The following FOCAD variants were observed in gnomAD, a reference collection of about 807,000 sequenced individuals.
The protein encoded by FOCAD is focadhesin, also known as KIAA1797.
A neutral mutation model predicts 225.6 loss-of-function variants in FOCAD; 198 were observed. That is an observed-to-expected ratio of 0.88 (90% CI 0.78 to 0.99). The LOEUF (loss-of-function observed/expected upper bound fraction) is 0.99, where lower values mean the gene tolerates loss of function less well. FOCAD is among the 50% of genes least tolerant of loss of function. FOCAD has a pLI of 0.00. For missense variants in FOCAD, 2,713 were observed against 2,123.6 expected (o/e 1.28, Z -5.46); for synonymous variants, 897 against 755.0 (o/e 1.19, Z -3.08).
intron 15 of FOCAD, among the ~76,000 whole-genome samples, chr9:20,847,696 A>G (rs935289460): frequency 1.3e-5 from 2 of 152,074 alleles, no homozygotes; most frequent in African/African-American, 2.4e-5. Flanking sequence ...TTTTGGCTTT[A>G]TATTGTAAAA....
intron 43 of FOCAD, among the ~76,000 whole-genome samples, 167 bp from the exon 44 acceptor site, chr9:20,995,389 C>T (rs569011771): frequency 6.6e-6 from 1 of 151,836 alleles, no homozygotes; most frequent in African/African-American, 2.4e-5. Flanking sequence ...AACTTTCCCC[C>T]CAACATTTAT....
In FOCAD at chr9:20,916,943, A is replaced by G. The variant is rs776416210; in HGVS notation, c.2852+6A>G. ...ATCACCAAGGCAGCTGCAAAGTAAG[A>G]TCCATTTAGTCTTTTATCAAACATT... is the stretch of plus-strand genomic sequence containing the variant. On this transcript the variant is annotated splice_donor_region_variant and intron_variant, in intron 24 of 43. Transcript: ENST00000338382. 1.3e-6 allele frequency: 2 copies of G among 1,599,668 alleles called. No individual in the cohort carries two copies. The highest frequency in any genetic ancestry group is 2.3e-5 in the South Asian group (2 of 87,428).
intron 11 of FOCAD, among the ~76,000 whole-genome samples, chr9:20,795,411 G>C (rs1820949142): frequency 6.6e-6 from 1 of 152,088 alleles, no homozygotes; most frequent in African/African-American, 2.4e-5. Context: ...AAATTCACTT[G>C]TGTACTGTTT....
intron 21 of FOCAD, among the ~76,000 whole-genome samples, chr9:20,896,293 C>T (rs1296316969): frequency 1.3e-5 from 2 of 151,836 alleles, no homozygotes; most frequent in East Asian, 3.9e-4. Flanking sequence ...CATTTATGTT[C>T]ATGAAAGATA....
chr9:20,883,107 T>C (rs894610975), intron 20 of FOCAD, among the ~76,000 whole-genome samples: 3 of 152,202 alleles, frequency 2.0e-5, no homozygotes, highest in African/African-American at 7.2e-5. Flanking sequence ...CATTTAGTAC[T>C]TCTGTGGTTC....
At chr9:20,874,014 A>C (rs1294484753) in intron 18 of FOCAD, 1 of 152,216 alleles carries the variant, frequency 6.6e-6, no homozygotes, top group African/African-American at 2.4e-5. Flanking sequence ...AACAATGTGG[A>C]AATCTTTTTA....
intron 41 of FOCAD, 118 bp from the exon 42 acceptor site, chr9:20,990,005 G>A: frequency 8.6e-7 from 1 of 1,162,114 alleles, no homozygotes. Flanking sequence ...GGGCAGGAGG[G>A]ACTGGTTGGG....
At position 20,778,784 on chromosome 9, in the gene FOCAD, G is replaced by GT; in HGVS notation, c.994+17dup. 10 of 1,432,836 alleles carry GT rather than the reference G, an allele frequency of 7.0e-6. No homozygotes were observed. The highest frequency in any genetic ancestry group is 9.8e-6 in the Non-Finnish European group (10 of 1,017,808). The allele number at this position is 1,432,836 out of a possible 1,614,324, so 88.8% of individuals were successfully genotyped here. A position where few individuals can be genotyped will look rare whatever the true frequency, so the allele number is the denominator to read the frequency against. The stretch of plus-strand genomic sequence containing the variant: ...TTAAATCTAGGTAAATAAAAATACA[G>GT]TCACTAGAGTAAAATGTAAATATAA... On this transcript the variant is annotated intron_variant, in intron 9 of 43. Coordinates refer to ENST00000338382, the MANE Select transcript of FOCAD (RefSeq NM_001375567.1).
chr9:20,818,722 A>T (rs149073592), intron 11 of FOCAD, among the ~76,000 whole-genome samples: 1 of 151,902 alleles, frequency 6.6e-6, no homozygotes, highest in East Asian at 1.9e-4. Flanking sequence ...TATTTCATTG[A>T]TTTGTCTTTC....
intron 5 of FOCAD, among the ~76,000 whole-genome samples, chr9:20,748,423 G>T (rs933646666): frequency 1.3e-5 from 2 of 151,824 alleles, no homozygotes; most frequent in African/African-American, 4.8e-5. Flanking sequence ...TGGGAGGGTG[G>T]TCAGGACCTT....
rs1458343751 is a variant in FOCAD, at chr9:20,764,793, A to T, written c.495-76A>T. 4.7e-6 allele frequency: 5 copies of T among 1,070,584 alleles called. No individual in the cohort carries two copies. In the East Asian group the frequency reaches 1.2e-4, roughly 25 times the overall value. 66.3% of individuals were successfully genotyped at this position (1,070,584 alleles called of 1,614,324 possible). A position where few individuals can be genotyped will look rare whatever the true frequency, so the allele number is the denominator to read the frequency against. ...TAGATTATGTTATGTCATGAACTATAAGTTGATATTTGCCACTTACCTGCT... is the reference window on the plus strand; with the variant it reads ...TAGATTATGTTATGTCATGAACTATTAGTTGATATTTGCCACTTACCTGCT... On this transcript the variant is annotated intron_variant, in intron 6 of 43. Coordinates refer to ENST00000338382, the MANE Select transcript of FOCAD (RefSeq NM_001375567.1).
chr9:20,866,392 G>A (rs1411202105), intron 17 of FOCAD, among the ~76,000 whole-genome samples: 2 of 151,952 alleles, frequency 1.3e-5, no homozygotes, highest in African/African-American at 2.4e-5. Context: ...ACTCATGGAT[G>A]AATGAGCTTA....
chr9:20,735,719 C>T (rs1827102351), intron 4 of FOCAD, among the ~76,000 whole-genome samples: 1 of 147,196 alleles, frequency 6.8e-6, no homozygotes, highest in Non-Finnish European at 1.5e-5. Context: ...AACGGGATCT[C>T]TCTATATTGC....
chr9:20,748,472 A>G (rs974458044), intron 5 of FOCAD, among the ~76,000 whole-genome samples: 4 of 152,064 alleles, frequency 2.6e-5, no homozygotes, highest in South Asian at 2.1e-4. Flanking sequence ...TTCTCCTATT[A>G]TAGAAAATGT....
At chr9:20,873,774 G>C (rs1433229915) in intron 18 of FOCAD, 1 of 152,098 alleles carries the variant, frequency 6.6e-6, no homozygotes, top group Non-Finnish European at 1.5e-5. Context: ...GTGCTTTGGG[G>C]ACCTATGAAG....
Position 20,874,667 on chromosome 9 carries a change from G to C in FOCAD, c.2191-14G>C, listed in dbSNP as rs200873529. ...TTATTATCCTCTCTATGATCTTTTC[G>C]CTTATCATTTCAGATAAGACCAGAA... On this transcript the variant is annotated splice_polypyrimidine_tract_variant and intron_variant, in intron 18 of 43. Coordinates refer to ENST00000338382, the MANE Select transcript of FOCAD (RefSeq NM_001375567.1). 2 of 1,610,550 alleles carry C rather than the reference G, an allele frequency of 1.2e-6. No individual in the cohort carries two copies. The highest frequency in any genetic ancestry group is 2.2e-5 in the South Asian group (2 of 90,412).
chr9:20,925,577 A>G (rs1834859602), intron 25 of FOCAD, among the ~76,000 whole-genome samples: 1 of 152,232 alleles, frequency 6.6e-6, no homozygotes, highest in Non-Finnish European at 1.5e-5. Flanking sequence ...GACCACCAAC[A>G]AAAGATTTGA....
intron 7 of FOCAD, among the ~76,000 whole-genome samples, chr9:20,767,518 T>G (rs970094729): frequency 2.4e-4 from 36 of 151,908 alleles, no homozygotes; most frequent in Admixed American, 1.2e-3. Flanking sequence ...ATCGCCATTC[T>G]AACTGGTGTG....
chr9:20,943,787 C>T (rs1836904749), intron 28 of FOCAD, among the ~76,000 whole-genome samples: 1 of 152,168 alleles, frequency 6.6e-6, no homozygotes, highest in Non-Finnish European at 1.5e-5. Context: ...AAAAACATTG[C>T]ATTTTCTCCA....
Sources: gnomAD v4.1 joint callset for allele counts (sites outside exome capture counted in the v4.1 genomes callset) on GRCh38, gnomAD v4.1.1 for gene constraint, MANE v1.5 for transcripts, NCBI Gene and HGNC (gene_info 2026-07-23, HGNC 2026-07-21) for gene names.